Variants in BOC observed in about 807,000 individuals in gnomAD.
BOC encodes the protein brother of CDO.
BOC carries 76 observed loss-of-function variants against 112.0 expected under a neutral mutation model. That is an observed-to-expected ratio of 0.68 (90% CI 0.56 to 0.82). The LOEUF (loss-of-function observed/expected upper bound fraction) is 0.82. BOC is among the 40% of genes least tolerant of loss of function. The pLI, the probability that BOC is intolerant of heterozygous loss-of-function variation, is 0.00. For missense variants in BOC, 1,309 were observed against 1,511.7 expected (o/e 0.87, Z 2.22); for synonymous variants, 580 against 599.8 (o/e 0.97, Z 0.48).
At position 113,279,827 on chromosome 3, in the gene BOC, C is replaced by A. The variant is rs61735687; in HGVS notation, c.2027C>A (p.Thr676Asn). ...SVEITGLEKGTSYKFRVRALN... is the reference protein window; with the variant it reads ...SVEITGLEKGNSYKFRVRALN... ...CAGTGAGTGTCCCTCTCACCAGGCA[C>A]CTCCTACAAGTTTCGAGTCCGGGCT... The change falls in exon 13 of 20, where the codon ACC becomes AAC. Residue 676 changes from threonine to asparagine, a missense_variant. By Grantham distance (65) the Thr-to-Asn change is moderately conservative. Coordinates refer to ENST00000682979, the MANE Select transcript of BOC (RefSeq NM_001378074.1). 6.2e-7 allele frequency: 1 copy of A among 1,604,158 alleles called. No individual in the cohort carries two copies.
In BOC at chr3:113,284,440, C is replaced by T. The variant is rs1319051776; in HGVS notation, c.2762C>T (p.Pro921Leu). 1 of 1,614,146 alleles carries T rather than the reference C, an allele frequency of 6.2e-7. No individual in the cohort carries two copies. The highest frequency in any genetic ancestry group is 2.2e-5 in the East Asian group (1 of 44,902). ...CCAGGCCACCAGGCCAGTGGACAGC[C>T]CTACCTCAGTGGCATCAGTGGACGG... The part of the protein sequence containing the change: ...GLPGHQASGQ[P>L]YLSGISGRAC... The change falls in exon 17 of 20, where the codon CCC (proline) becomes CTC (leucine). Residue 921 changes from proline (P) to leucine (L), a missense_variant. Transcript: ENST00000682979.
intron 2 of BOC, among the ~76,000 whole-genome samples, chr3:113,230,871 G>A (rs1426968470): frequency 1.3e-5 from 2 of 152,054 alleles, no homozygotes; most frequent in East Asian, 1.9e-4. Context: ...AGTATTAGAT[G>A]GTATATTTTA....
chr3:113,275,354 C>CG (rs1276565157), intron 9 of BOC, among the ~76,000 whole-genome samples: 3 of 152,164 alleles, frequency 2.0e-5, no homozygotes, highest in Admixed American at 2.0e-4. Context: ...TGACAGGATG[C>CG]GGGGGCAGAG....
chr3:113,216,961 G>A (rs965419432), intron 2 of BOC, among the ~76,000 whole-genome samples: 3 of 152,206 alleles, frequency 2.0e-5, no homozygotes, highest in South Asian at 2.1e-4. Flanking sequence ...GCTGAGCAGT[G>A]GAAAGTAGAG....
At chr3:113,276,969 C>T (rs2107693964) in intron 9 of BOC, among the ~76,000 whole-genome samples, 1 of 152,266 alleles carries the variant, frequency 6.6e-6, no homozygotes, top group African/African-American at 2.4e-5. Context: ...AGTCTGTTGT[C>T]CCGAAAGGTG....
rs144348503 is a variant in BOC, at chr3:113,242,452, G to A, written c.-81-7270G>A. Among the ~76,000 whole-genome samples the A allele has an allele frequency of 1.4e-4, 21 of 152,282 alleles. 1 individual carries two copies. In the East Asian group the frequency reaches 3.5e-3, roughly 25 times the overall value. ...GGAGAGGATTAGACGTGTTTTAGCA[G>A]AAGCTCTGTGGGCAAATCAAGAGAT... On this transcript the variant is annotated intron_variant, in intron 2 of 19. Transcript: ENST00000682979.
At chr3:113,228,927 C>T (rs60202673) in intron 2 of BOC, among the ~76,000 whole-genome samples, 12,979 of 151,986 alleles carry the variant, frequency 0.085, 1,470 homozygotes, top group African/African-American at 0.26. Context: ...TTCCAGCCTG[C>T]TCCTCCGCTC....
chr3:113,284,713 T>C lies in BOC; in HGVS notation c.2890-69T>C. The stretch of plus-strand genomic sequence containing the variant: ...TAGTCAGGAGCAGATGCTCCTGTTG[T>C]TGAGTGAAGACTGGAAAGTTACCTG... On this transcript the variant is annotated intron_variant, in intron 17 of 19. Coordinates refer to ENST00000682979, the MANE Select transcript of BOC (RefSeq NM_001378074.1). 6 of 1,533,244 alleles carry C rather than the reference T, an allele frequency of 3.9e-6. No individual in the cohort carries two copies. In the South Asian group the frequency reaches 6.7e-5, roughly 17 times the overall value. 95.0% of individuals were successfully genotyped at this position (1,533,244 alleles called of 1,614,324 possible). A position where few individuals can be genotyped will look rare whatever the true frequency, so the allele number is the denominator to read the frequency against.
In BOC at chr3:113,250,793, G is replaced by A. The variant is rs569434776; in HGVS notation, c.336G>A (p.Ala112=). Residue 112 remains alanine, a synonymous_variant, in exon 4 of 20, where the codon GCG becomes GCA. Transcript: ENST00000682979. Reference sequence around the variant, plus strand: ...ACCAGTGTGTGGCCCGGATGCCTGCGGGGGCTGTGGCCAGCGTGCCAGCCA... The same window carrying A: ...ACCAGTGTGTGGCCCGGATGCCTGCAGGGGCTGTGGCCAGCGTGCCAGCCA... ...GRYQCVARMP[A]GAVASVPATV... is the part of the protein sequence containing the mutation. The A allele has an allele frequency of 9.2e-5, 148 of 1,613,920 alleles. 1 individual carries two copies. In the South Asian group the frequency reaches 1.2e-3, roughly 13 times the overall value.
At chr3:113,250,432 G>A (rs975687914) in intron 3 of BOC, 123 bp from the exon 4 acceptor site, 49 of 1,135,136 alleles carry the variant, frequency 4.3e-5, no homozygotes, top group South Asian at 1.7e-4. Flanking sequence ...CAGTAGAGTC[G>A]GAGAAAGACC....
chr3:113,211,829 G>C lies in BOC; in HGVS notation c.-357G>C, dbSNP rs1231241394. 2 of 152,560 alleles carry C rather than the reference G, an allele frequency of 1.3e-5. No homozygotes were observed. Among genetic ancestry groups the C allele is most frequent in the African/African-American group, 4.8e-5 (2 of 41,408 alleles). The allele number at this position is 152,560 out of a possible 1,614,324, so 9.5% of individuals were successfully genotyped here. The stretch of plus-strand genomic sequence containing the variant: ...ACGCCCGCACGCGCCCTCCCTCTCC[G>C]GCCCGCAACTTCTCGGTCCTCGGCT... On this transcript the variant is annotated 5_prime_UTR_variant, in exon 1 of 20. Transcript: ENST00000682979.
In BOC at chr3:113,286,687, G is replaced by A. The variant is rs866551781; in HGVS notation, c.3173G>A (p.Cys1058Tyr). ...DPPFHSGPPC[C>Y]LGLVPVEEVD... is the part of the protein sequence containing the mutation. Reference sequence around the variant, plus strand: ...TTTCTCCCCTCAGGGCCCCCATGCTGCTTGGGCCTTGTGCCAGTTGAAGAG... The same window carrying A: ...TTTCTCCCCTCAGGGCCCCCATGCTACTTGGGCCTTGTGCCAGTTGAAGAG... Residue 1058 changes from cysteine to tyrosine, a missense_variant, in exon 20 of 20, where the codon TGC (cysteine) becomes TAC (tyrosine). Cys to Tyr is a radical substitution (Grantham distance 194). Transcript: ENST00000682979. 2 of 1,592,258 alleles carry A rather than the reference G, an allele frequency of 1.3e-6. No individual in the cohort carries two copies. Among genetic ancestry groups the A allele is most frequent in the Middle Eastern group, 3.4e-4 (2 of 5,964 alleles).
At chr3:113,285,751 G>A (rs1205749470) in intron 19 of BOC, among the ~76,000 whole-genome samples, 186 bp downstream of exon 19, 1 of 152,220 alleles carries the variant, frequency 6.6e-6, no homozygotes, top group Non-Finnish European at 1.5e-5. Context: ...AGGCCCAGTA[G>A]GTCTGTGGGA....
chr3:113,252,999 T>A (rs1945821587), intron 4 of BOC, among the ~76,000 whole-genome samples: 1 of 152,176 alleles, frequency 6.6e-6, no homozygotes, highest in Admixed American at 6.5e-5. Flanking sequence ...TTTCCTATCA[T>A]TGTACAGTTC....
chr3:113,238,007 A>G (rs950553235), intron 2 of BOC, among the ~76,000 whole-genome samples: 1 of 152,234 alleles, frequency 6.6e-6, no homozygotes, highest in Non-Finnish European at 1.5e-5. Context: ...GAGGTATATG[A>G]CAGACAGATG....
intron 2 of BOC, among the ~76,000 whole-genome samples, chr3:113,226,956 C>G (rs1236414952): frequency 6.6e-6 from 1 of 152,176 alleles, no homozygotes; most frequent in African/African-American, 2.4e-5. Context: ...GAGCACTATG[C>G]CTACTGCCTT....
At chr3:113,233,196 T>TGTGTGTGTGTGTGTGGGG (rs55714363) in intron 2 of BOC, among the ~76,000 whole-genome samples, 1 of 132,992 alleles carries the variant, frequency 7.5e-6, no homozygotes, top group Admixed American at 7.2e-5. Context: ...TGTGTGTGTG[T>TGTGTGTGTGTGTGTGGGG]CGGGGGTTGG....
At chr3:113,260,869 A>G (rs966420824) in intron 4 of BOC, among the ~76,000 whole-genome samples, 2 of 152,182 alleles carry the variant, frequency 1.3e-5, no homozygotes, top group Non-Finnish European at 2.9e-5. Flanking sequence ...ACTAATGTCT[A>G]TTGATTTGAG....
chr3:113,252,636 C>T (rs1945770879), intron 4 of BOC, among the ~76,000 whole-genome samples: 1 of 152,266 alleles, frequency 6.6e-6, no homozygotes, highest in Admixed American at 6.5e-5. Context: ...GCCAGGATTC[C>T]TCTTTTCTTG....
Sources: gnomAD v4.1 joint callset for allele counts (sites outside exome capture counted in the v4.1 genomes callset) on GRCh38, gnomAD v4.1.1 for gene constraint, MANE v1.5 for transcripts, NCBI Gene and HGNC (gene_info 2026-07-23, HGNC 2026-07-21) for gene names.